The following LRRC4B variants were observed in gnomAD, a reference collection of about 807,000 sequenced individuals.
The protein encoded by LRRC4B is leucine-rich repeat-containing protein 4B.
In LRRC4B, 1 loss-of-function variant was observed where a neutral mutation model predicts 7.3. The ratio of observed to expected loss-of-function variants is 0.14; its 90% CI spans 0.05 to 0.65. The LOEUF (loss-of-function observed/expected upper bound fraction) is 0.65. LRRC4B is among the 30% of genes least tolerant of loss of function. LRRC4B has a pLI of 0.84. For synonymous variants in LRRC4B, 500 were observed against 499.2 expected (o/e 1.00, Z -0.02); for missense variants, 730 against 1,041.6 (o/e 0.70, Z 4.12).
At position 50,565,526 on chromosome 19, in the gene LRRC4B, C is replaced by CGTGTGTGTGTGTGT. The variant is rs67157266; in HGVS notation, c.-36+2404_-36+2417dup. Among the ~76,000 whole-genome samples, 147 of 147,314 alleles carry CGTGTGTGTGTGTGT rather than the reference C, an allele frequency of 1.0e-3. 1 individual carries two copies. Among genetic ancestry groups the CGTGTGTGTGTGTGT allele is most frequent in the African/African-American group, 3.3e-3 (132 of 39,568 alleles). ...CTGCCAGTGAATGACTGTGTGCTCT[C>CGTGTGTGTGTGTGT]GTGTGTGTGTGTGTGTGTGTGTGTG... On this transcript the variant is annotated intron_variant, in intron 1 of 2. Transcript: ENST00000652263.
In LRRC4B at chr19:50,517,810, C is replaced by CGGCGGCCACGGACACGGCCGA. The variant is rs1601366035; in HGVS notation, c.1882_1902dup (p.Ser628_Ala634dup). On this transcript the variant is annotated inframe_insertion, in exon 3 of 3. Transcript: ENST00000652263. This position sits in a 1 kb window ranked among gnomAD's most constrained non-coding sequence, Gnocchi z 6.6. ...CCACCCCCACTGGCCACGGCGGCCG[C>CGGCGGCCACGGACACGGCCGA]GGCGGCCACGGACACGGCCGAGGCG... The CGGCGGCCACGGACACGGCCGA allele has an allele frequency of 1.3e-6, 2 of 1,552,932 alleles. No homozygotes were observed. Among genetic ancestry groups the CGGCGGCCACGGACACGGCCGA allele is most frequent in the African/African-American group, 1.4e-5 (1 of 71,808 alleles).
At chr19:50,543,279 G>T (rs1981635297) in intron 2 of LRRC4B, among the ~76,000 whole-genome samples, 1 of 151,816 alleles carries the variant, frequency 6.6e-6, no homozygotes, top group Non-Finnish European at 1.5e-5. Flanking sequence ...CACACGGGAG[G>T]CTCTGGAATC....
Position 50,548,439 on chromosome 19 carries a change from C to T in LRRC4B, c.297+103G>A, listed in dbSNP as rs1197572702. 40 of 1,457,538 alleles carry T rather than the reference C, an allele frequency of 2.7e-5. No homozygotes were observed. Among genetic ancestry groups the T allele is most frequent in the Non-Finnish European group, 3.4e-5 (37 of 1,084,774 alleles). The allele number at this position is 1,457,538 out of a possible 1,614,324, so 90.3% of individuals were successfully genotyped here. On this transcript the variant is annotated intron_variant, in intron 2 of 2. Transcript: ENST00000652263. The surrounding 1 kb of genome is among the most constrained non-coding windows in gnomAD (Gnocchi z 6.8). ...AGGCCACATCCACAGGTGCCGGAGA[C>T]GGGGAAGCCCCGGTGTGGGGAGGCC...
intron 2 of LRRC4B, among the ~76,000 whole-genome samples, chr19:50,523,543 T>C (rs1301444568): frequency 3.3e-5 from 1 of 30,668 alleles, no homozygotes; most frequent in African/African-American, 8.8e-5. Flanking sequence ...CCGGGGGTGG[T>C]GGGGGGTGCC....
At chr19:50,527,341 CTTTTTTCT>C (rs918221847) in intron 2 of LRRC4B, among the ~76,000 whole-genome samples, 2 of 121,084 alleles carry the variant, frequency 1.7e-5, no homozygotes, top group African/African-American at 6.6e-5. Context: ...TGTTTTCTTT[CTTTTTTCT>C]TTTTTTTTTT....
chr19:50,520,237 AAAAAAAAAAAGAAG>A (rs1980510477), intron 2 of LRRC4B, among the ~76,000 whole-genome samples: 2 of 65,040 alleles, frequency 3.1e-5, no homozygotes, highest in African/African-American at 6.5e-5. Context: ...AAAAAAAAAA[AAAAAAAAAAAGAAG>A]AAAAGAAAAG....
At chr19:50,550,775 C>T (rs572511904) in intron 1 of LRRC4B, 2 of 152,482 alleles carry the variant, frequency 1.3e-5, no homozygotes, top group East Asian at 1.9e-4. Flanking sequence ...GGGCTGGGGC[C>T]GTGTGTCTGT....
rs1291462428 is a variant in LRRC4B at position 50,568,286 on chromosome 19, T to C, written c.-378A>G. Among the ~76,000 whole-genome samples the C allele has an allele frequency of 6.7e-6, 1 of 149,928 alleles. No homozygotes were observed. The highest frequency in any genetic ancestry group is 2.5e-5 in the African/African-American group (1 of 40,732). On this transcript the variant is annotated 5_prime_UTR_variant, in exon 1 of 3. Coordinates refer to ENST00000652263, the MANE Select transcript of LRRC4B (RefSeq NM_001080457.2). ...TGGCTTCCTTCCTTCCAGCCTTCCTTCCTTCCTTCCTCCCTCCTCGGGCCC... is the reference window on the plus strand; with the variant it reads ...TGGCTTCCTTCCTTCCAGCCTTCCTCCCTTCCTTCCTCCCTCCTCGGGCCC...
intron 1 of LRRC4B, among the ~76,000 whole-genome samples, chr19:50,552,267 GC>G (rs1982100057): frequency 6.8e-6 from 1 of 146,160 alleles, no homozygotes; most frequent in Admixed American, 7.3e-5. Flanking sequence ...TCCTGCAGAT[GC>G]CCCTGTACCC....
In LRRC4B at chr19:50,548,404, G is replaced by A. The variant is rs1263330365; in HGVS notation, c.297+138C>T. On this transcript the variant is annotated intron_variant, in intron 2 of 2. Transcript: ENST00000652263. The surrounding 1 kb of genome is among the most constrained non-coding windows in gnomAD (Gnocchi z 6.8). Reference sequence around the variant, plus strand: ...GGAGCCCGGCTCCAGCTGATAGGATGCAGACCCGCAGGCCACATCCACAGG... The same window carrying A: ...GGAGCCCGGCTCCAGCTGATAGGATACAGACCCGCAGGCCACATCCACAGG... 5 of 1,218,190 alleles carry A rather than the reference G, an allele frequency of 4.1e-6. No individual in the cohort carries two copies. The highest frequency in any genetic ancestry group is 4.3e-5 in the Admixed American group (2 of 46,270). The allele number at this position is 1,218,190 out of a possible 1,614,324, so 75.5% of individuals were successfully genotyped here.
Position 50,537,826 on chromosome 19 carries a change from G to T in LRRC4B, c.297+10716C>A, listed in dbSNP as rs1373654189. 6.6e-6 allele frequency among the ~76,000 whole-genome samples: 1 copy of T among 152,162 alleles called. No individual in the cohort carries two copies. Among genetic ancestry groups the T allele is most frequent in the South Asian group, 2.1e-4 (1 of 4,816 alleles). On this transcript the variant is annotated intron_variant, in intron 2 of 2. Coordinates refer to ENST00000652263, the MANE Select transcript of LRRC4B (RefSeq NM_001080457.2). This position sits in a 1 kb window ranked among gnomAD's most constrained non-coding sequence, Gnocchi z 5.5. ...GTGGGCCCCGAGATGGCGCTGCTGA[G>T]GGAATGAAGAGGATAACTCAGCTGG...
Position 50,519,400 on chromosome 19 carries a change from T to C in LRRC4B, c.313A>G (p.Thr105Ala), listed in dbSNP as rs1420846956. 2 of 1,599,200 alleles carry C rather than the reference T, an allele frequency of 1.3e-6. No homozygotes were observed. Among genetic ancestry groups the C allele is most frequent in the Non-Finnish European group, 1.7e-6 (2 of 1,175,922 alleles). The change falls in exon 3 of 3, where the codon ACG becomes GCG. Residue 105 changes from threonine to alanine, a missense_variant. This residue lies in a region of LRRC4B where 143 missense variants were observed against 158.4 expected (regional missense o/e 0.90). Transcript: ENST00000652263. This position sits in a 1 kb window ranked among gnomAD's most constrained non-coding sequence, Gnocchi z 8.1. The stretch of plus-strand genomic sequence containing the variant: ...TCCAGGTGCCGCAGGTGCTTGAACG[T>C]GTCCGTCCGGATCACCTGGGGAGAG... ...ENGIQVIRTD[T>A]FKHLRHLEIL...
At chr19:50,536,160 G>A (rs1048609811) in intron 2 of LRRC4B, among the ~76,000 whole-genome samples, 8 of 150,372 alleles carry the variant, frequency 5.3e-5, no homozygotes, top group Non-Finnish European at 1.2e-4. Flanking sequence ...TTATGATGGA[G>A]TCTCGCTCTG....
At chr19:50,532,328 G>A (rs1981093934) in intron 2 of LRRC4B, among the ~76,000 whole-genome samples, 1 of 152,162 alleles carries the variant, frequency 6.6e-6, no homozygotes, top group Admixed American at 6.5e-5. Flanking sequence ...CCTCTACACT[G>A]GCTGTCAGAA....
intron 2 of LRRC4B, among the ~76,000 whole-genome samples, chr19:50,530,937 G>C (rs956814968): frequency 6.0e-5 from 9 of 150,228 alleles, no homozygotes; most frequent in South Asian, 2.2e-4. Context: ...CTGGGGGGGG[G>C]GGGTCTCTCT....
chr19:50,550,181 A>T, intron 1 of LRRC4B, among the ~76,000 whole-genome samples: 1 of 152,152 alleles, frequency 6.6e-6, no homozygotes, highest in East Asian at 1.9e-4. Context: ...CTGAGGCACT[A>T]TGAGGGAAAA....
chr19:50,556,959 C>T lies in LRRC4B; in HGVS notation c.-35-8086G>A, dbSNP rs991677553. 2.6e-5 allele frequency among the ~76,000 whole-genome samples: 4 copies of T among 151,940 alleles called. No homozygotes were observed. The highest frequency in any genetic ancestry group is 4.4e-5 in the Non-Finnish European group (3 of 67,960). On this transcript the variant is annotated intron_variant, in intron 1 of 2. Transcript: ENST00000652263. The surrounding 1 kb of genome is among the most constrained non-coding windows in gnomAD (Gnocchi z 4.2). ...TGGCAATGGGCCGGGGGCGGGGGGG[C>T]CCTCCTTCCTCTCACAACGGGCTGT... is the stretch of plus-strand genomic sequence containing the variant.
intron 2 of LRRC4B, among the ~76,000 whole-genome samples, chr19:50,538,969 C>T (rs970080895): frequency 6.6e-6 from 1 of 151,614 alleles, no homozygotes; most frequent in Non-Finnish European, 1.5e-5. Flanking sequence ...CTCACTACCA[C>T]CTCTGCATCC....
At chr19:50,547,552 A>G (rs1981867015) in intron 2 of LRRC4B, among the ~76,000 whole-genome samples, 2 of 151,366 alleles carry the variant, frequency 1.3e-5, no homozygotes, top group African/African-American at 4.9e-5. Flanking sequence ...GCTTGCTTGG[A>G]GGCAGGAGTT....
Sources: allele counts gnomAD v4.1 joint callset (sites outside exome capture counted in the v4.1 genomes callset), GRCh38; gene constraint gnomAD v4.1.1; regional missense constraint gnomAD v4.1.1; non-coding constraint Gnocchi (gnomAD v3.1); transcripts MANE v1.5; gene names NCBI Gene and HGNC (gene_info 2026-07-23, HGNC 2026-07-21).